ZNF804B: variants seen among roughly 807,000 people sequenced by gnomAD.
The protein encoded by ZNF804B is zinc finger protein 804B, also known as zinc finger 804B.
A neutral mutation model predicts 101.4 loss-of-function variants in ZNF804B; 80 were observed. That is an observed-to-expected ratio of 0.79 (90% CI 0.66 to 0.95). ZNF804B has a LOEUF of 0.95. ZNF804B is among the 40% of genes least tolerant of loss of function. The pLI is 0.00. For missense variants in ZNF804B, 1,673 were observed against 1,561.9 expected, an observed-to-expected ratio of 1.07 and a Z score of -1.20; for synonymous variants, 622 against 558.8, an observed-to-expected ratio of 1.11 and a Z score of -1.59.
At chr7:89,244,802 T>C (rs1220583542) in intron 2 of ZNF804B, among the ~76,000 whole-genome samples, 1 of 152,142 alleles carries the variant, frequency 6.6e-6, no homozygotes, top group Admixed American at 6.6e-5. Flanking sequence ...AAGAACCTTG[T>C]CCATCATCCA....
intron 1 of ZNF804B, among the ~76,000 whole-genome samples, chr7:88,833,861 T>G (rs538375922): frequency 1.1e-3 from 163 of 152,012 alleles, no homozygotes; most frequent in African/African-American, 3.7e-3. Context: ...TTATGTAACT[T>G]AGTGCATTTT....
intron 3 of ZNF804B, among the ~76,000 whole-genome samples, chr7:89,329,155 T>C (rs1414856582): frequency 1.3e-5 from 2 of 151,818 alleles, no homozygotes; most frequent in Non-Finnish European, 1.5e-5. Context: ...CCACTCCTTT[T>C]GGTGATTTGA....
chr7:89,050,378 C>A (rs942310292), intron 1 of ZNF804B, among the ~76,000 whole-genome samples: 2 of 152,112 alleles, frequency 1.3e-5, no homozygotes, highest in African/African-American at 2.4e-5. Context: ...TAAAATGATT[C>A]CTCCTGTAAT....
chr7:88,876,171 G>C lies in ZNF804B; in HGVS notation c.108+116087G>C, dbSNP rs181015705. Among the ~76,000 whole-genome samples, 10 of 152,104 alleles carry C rather than the reference G, an allele frequency of 6.6e-5. No homozygotes were observed. The East Asian group carries it at 1.9e-3, about 29-fold the overall frequency. On this transcript the variant is annotated intron_variant, in intron 1 of 3. Coordinates refer to ENST00000333190, the MANE Select transcript of ZNF804B (RefSeq NM_181646.5). The stretch of plus-strand genomic sequence containing the variant: ...TTCTCTCAAGTCTATCTCTTTTACT[G>C]CTTTCCCAGACAGATCAGTTTTAGC...
At position 89,336,703 on chromosome 7, in the gene ZNF804B, G is replaced by GCACATTT; in HGVS notation, c.3724_3730dup (p.Ser1244ThrfsTer89). The stretch of plus-strand genomic sequence containing the variant: ...TGCTCATCTACATCCTCTTTCACAG[G>GCACATTT]CACATTTCAGTCCTATTTCATTTTC... On this transcript the variant is annotated frameshift_variant, in exon 4 of 4. Transcript: ENST00000333190. LOFTEE classifies it high-confidence loss of function. The GCACATTT allele has an allele frequency of 4.3e-6, 7 of 1,613,898 alleles. No homozygotes were observed. The highest frequency in any genetic ancestry group is 5.1e-6 in the Non-Finnish European group (6 of 1,179,984).
intron 1 of ZNF804B, among the ~76,000 whole-genome samples, chr7:88,840,081 A>G (rs1791273933): frequency 6.6e-6 from 1 of 152,142 alleles, no homozygotes; most frequent in Admixed American, 6.6e-5. Context: ...GAAAAGTACA[A>G]TACAAATTGA....
chr7:88,906,298 G>T (rs187191397), intron 1 of ZNF804B, among the ~76,000 whole-genome samples: 89 of 152,050 alleles, frequency 5.9e-4, no homozygotes, highest in African/African-American at 2.1e-3. Flanking sequence ...CTTATCCTGG[G>T]ATTGGTTTGT....
At chr7:89,156,103 C>T (rs1053539106) in intron 1 of ZNF804B, among the ~76,000 whole-genome samples, 177 of 114,138 alleles carry the variant, frequency 1.6e-3, no homozygotes, top group African/African-American at 5.5e-3. Context: ...CTTTCTTTCT[C>T]TCTTTCTCTC....
intron 1 of ZNF804B, among the ~76,000 whole-genome samples, chr7:89,144,200 C>T (rs562603424): frequency 2.0e-5 from 3 of 151,950 alleles, no homozygotes; most frequent in Admixed American, 6.6e-5. Context: ...AAACTTAATC[C>T]CCTCTTTATA....
intron 1 of ZNF804B, among the ~76,000 whole-genome samples, chr7:88,987,784 T>A (rs568422536): frequency 3.9e-5 from 6 of 152,262 alleles, no homozygotes; most frequent in African/African-American, 1.4e-4. Context: ...CTCTTCTAGC[T>A]ACTTTGAAAG....
chr7:88,882,734 A>G (rs1487907926), intron 1 of ZNF804B, among the ~76,000 whole-genome samples: 1 of 152,148 alleles, frequency 6.6e-6, no homozygotes, highest in East Asian at 1.9e-4. Context: ...CCATAAGTCT[A>G]AGTGAATTAA....
chr7:88,972,299 G>A (rs1220576366), intron 1 of ZNF804B, among the ~76,000 whole-genome samples: 1 of 151,316 alleles, frequency 6.6e-6, no homozygotes, highest in Non-Finnish European at 1.5e-5. Context: ...GTTTCTCCAG[G>A]CAGTTTTTAT....
intron 1 of ZNF804B, among the ~76,000 whole-genome samples, chr7:89,162,117 T>C (rs1011786526): frequency 6.8e-6 from 1 of 146,506 alleles, no homozygotes; most frequent in African/African-American, 2.5e-5. Context: ...GTGGACAACA[T>C]CCCTTTTCAG....
chr7:88,793,719 C>T (rs908090448), intron 1 of ZNF804B, among the ~76,000 whole-genome samples: 2 of 152,044 alleles, frequency 1.3e-5, no homozygotes, highest in East Asian at 1.9e-4. Context: ...ATCGTAACTA[C>T]TTCTACATGT....
chr7:89,039,301 G>T (rs753118784), intron 1 of ZNF804B, among the ~76,000 whole-genome samples: 7 of 151,670 alleles, frequency 4.6e-5, no homozygotes, highest in Non-Finnish European at 8.8e-5. Flanking sequence ...ATAAACTTTG[G>T]GTAGTATAAA....
chr7:89,097,962 C>T (rs1789992993), intron 1 of ZNF804B, among the ~76,000 whole-genome samples: 1 of 152,024 alleles, frequency 6.6e-6, no homozygotes, highest in Non-Finnish European at 1.5e-5. Flanking sequence ...TGTCATTTAC[C>T]TAGCAGGTAA....
At chr7:89,077,086 G>GAAGAGCTATCTACACAGCCAATGTAGA (rs144602940) in intron 1 of ZNF804B, among the ~76,000 whole-genome samples, 121,737 of 151,986 alleles carry the variant, frequency 0.8, 49,073 homozygotes, top group African/African-American at 0.89. Flanking sequence ...CAGTGATGAT[G>GAAGAGCTATCTACACAGCCAATGTAGA]ATGTTCCCTT....
intron 1 of ZNF804B, among the ~76,000 whole-genome samples, chr7:89,019,208 T>C (rs1210136108): frequency 6.6e-6 from 1 of 152,104 alleles, no homozygotes; most frequent in Non-Finnish European, 1.5e-5. Flanking sequence ...TCAATAATTT[T>C]TTAAATTTCC....
intron 1 of ZNF804B, among the ~76,000 whole-genome samples, chr7:88,832,586 A>G (rs1298827760): frequency 6.6e-6 from 1 of 151,686 alleles, no homozygotes; most frequent in Non-Finnish European, 1.5e-5. Context: ...TTAGAATACA[A>G]ATAGTCTTGG....
Sources: gnomAD v4.1 joint callset for allele counts (sites outside exome capture counted in the v4.1 genomes callset) on GRCh38, gnomAD v4.1.1 for gene constraint, MANE v1.5 for transcripts, NCBI Gene and HGNC (gene_info 2026-07-23, HGNC 2026-07-21) for gene names.